The following PRSS55 variants were observed in gnomAD, a reference collection of about 807,000 sequenced individuals.
PRSS55 encodes serine protease 55, also known as probable serine protease UNQ9391/PRO34284.
In PRSS55, 41 loss-of-function variants were observed where a neutral mutation model predicts 23.6. The ratio of observed to expected loss-of-function variants is 1.74; its 90% CI spans 1.35 to 2.26. The LOEUF (loss-of-function observed/expected upper bound fraction) is 2.26. Ranked by LOEUF, PRSS55 falls within the 30% of genes most tolerant of loss-of-function variation. The pLI is 0.00. For missense variants in PRSS55, 669 were observed against 439.1 expected (o/e 1.52, Z -4.68); for synonymous variants, 262 against 175.5 (o/e 1.49, Z -3.90).
intron 1 of PRSS55, among the ~76,000 whole-genome samples, chr8:10,526,759 C>G (rs1812038870): frequency 6.6e-6 from 1 of 152,212 alleles, no homozygotes; most frequent in African/African-American, 2.4e-5. Context: ...GACTTTGGTG[C>G]AAGCACTTGT....
downstream of PRSS55, among the ~76,000 whole-genome samples, chr8:10,543,432 C>CTTTTCTTTTCTT (rs1563547235): frequency 1.1e-4 from 2 of 18,696 alleles, no homozygotes; most frequent in African/African-American, 1.6e-4. Context: ...TTCTTCCTTC[C>CTTTTCTTTTCTT]TTCCTTCCTT....
At chr8:10,551,820 G>A (rs1812958450) in intron 4 of PRSS55, among the ~76,000 whole-genome samples, 1 of 152,192 alleles carries the variant, frequency 6.6e-6, no homozygotes, top group South Asian at 2.1e-4. Flanking sequence ...TGTCCTCACT[G>A]CAAAGCACCT....
rs750420468 is a variant in PRSS55 at position 10,531,398 on chromosome 8, G to C, written c.451G>C (p.Ala151Pro). ...CATTCTTCACAAAGACTTTAAGAGA[G>C]CCAACATGGACAATGACATTGCCTT... ...SIILHKDFKRANMDNDIALLL... is the reference protein window; with the variant it reads ...SIILHKDFKRPNMDNDIALLL... The change falls in exon 3 of 5, where the codon GCC becomes CCC. Residue 151 changes from alanine to proline, a missense_variant. Ala to Pro is a conservative substitution (Grantham distance 27). Transcript: ENST00000328655. 7 of 1,614,232 alleles carry C rather than the reference G, an allele frequency of 4.3e-6. No individual in the cohort carries two copies. Among genetic ancestry groups the C allele is most frequent in the Non-Finnish European group, 5.9e-6 (7 of 1,180,054 alleles).
At chr8:10,553,075 G>C (rs996159064) in intron 4 of PRSS55, among the ~76,000 whole-genome samples, 6 of 152,144 alleles carry the variant, frequency 3.9e-5, no homozygotes, top group African/African-American at 1.2e-4. Context: ...CAACTGTAGA[G>C]GGTGGGACCT....
intron 4 of PRSS55, among the ~76,000 whole-genome samples, chr8:10,548,161 G>A (rs1812864415): frequency 1.3e-5 from 2 of 152,346 alleles, no homozygotes; most frequent in East Asian, 3.9e-4. Context: ...AGGGAGCTGG[G>A]GCGGGCTTTG....
chr8:10,530,375 T>C (rs1157021198), intron 2 of PRSS55, among the ~76,000 whole-genome samples: 2 of 152,204 alleles, frequency 1.3e-5, no homozygotes, highest in African/African-American at 4.8e-5. Flanking sequence ...TTCAGGAGGC[T>C]GAGACAGGAG....
At chr8:10,526,660 G>A (rs1268722236) in intron 1 of PRSS55, among the ~76,000 whole-genome samples, 2 of 152,212 alleles carry the variant, frequency 1.3e-5, no homozygotes, top group Admixed American at 1.3e-4. Flanking sequence ...CAGATGTTGT[G>A]GGTTGATCTC....
At chr8:10,528,952 G>C (rs117653797) in intron 1 of PRSS55, among the ~76,000 whole-genome samples, 5,285 of 152,210 alleles carry the variant, frequency 0.035, 133 homozygotes, top group Middle Eastern at 0.058. Context: ...CCCTCTGCCT[G>C]ACTTCCTGCT....
chr8:10,530,782 G>A (rs115875700), intron 2 of PRSS55, among the ~76,000 whole-genome samples: 162 of 152,304 alleles, frequency 1.1e-3, no homozygotes, highest in African/African-American at 3.8e-3. Context: ...ACCCGCTGTC[G>A]TGGGATATCA....
At chr8:10,540,314 G>C (rs112129707), downstream of PRSS55, 1 of 152,256 alleles carries the variant, frequency 6.6e-6, no homozygotes, top group Non-Finnish European at 1.5e-5. Context: ...GGCCACCACC[G>C]AAGATGCAAA....
chr8:10,542,869 G>C (rs1201650877), downstream of PRSS55, among the ~76,000 whole-genome samples: 26 of 36,966 alleles, frequency 7.0e-4, no homozygotes, highest in African/African-American at 1.7e-3. Flanking sequence ...GCAAAACTTT[G>C]TCTCAAAAAA....
chr8:10,537,735 T>A (rs950432995), intron 4 of PRSS55, among the ~76,000 whole-genome samples: 2 of 152,156 alleles, frequency 1.3e-5, no homozygotes, highest in Non-Finnish European at 2.9e-5. Context: ...TATGTACCCA[T>A]AATAATTAAT....
At chr8:10,542,180 T>C (rs1316423630), downstream of PRSS55, among the ~76,000 whole-genome samples, 2 of 152,190 alleles carry the variant, frequency 1.3e-5, no homozygotes, top group Admixed American at 1.3e-4. Context: ...TTATCATGTG[T>C]GTCCCAAGAG....
At chr8:10,543,344 T>A (rs541591582), downstream of PRSS55, among the ~76,000 whole-genome samples, 3 of 152,188 alleles carry the variant, frequency 2.0e-5, no homozygotes, top group Non-Finnish European at 4.4e-5. Flanking sequence ...CATCACATCC[T>A]GGTGACATTT....
rs186818082 is a variant in PRSS55, at chr8:10,532,873, T to C, written c.599-33T>C. On this transcript the variant is annotated intron_variant, in intron 3 of 4. Transcript: ENST00000328655. ...ACGAACGTGGGGACATGAGGCCCAG[T>C]GGCTTCTCTAATGCGCTTTCTCTCT... 3.7e-6 allele frequency: 6 copies of C among 1,613,540 alleles called. No individual in the cohort carries two copies. In the East Asian group the frequency reaches 1.3e-4, roughly 36 times the overall value.
chr8:10,548,086 C>G (rs916376389), intron 4 of PRSS55, among the ~76,000 whole-genome samples: 2 of 152,122 alleles, frequency 1.3e-5, no homozygotes, highest in Non-Finnish European at 2.9e-5. Context: ...AAGAGTGTCT[C>G]GGGGATCTCT....
At chr8:10,538,255 C>A (rs1812524143) in intron 4 of PRSS55, among the ~76,000 whole-genome samples, 2 of 152,206 alleles carry the variant, frequency 1.3e-5, no homozygotes, top group South Asian at 4.1e-4. Context: ...TCCCCATCTT[C>A]AGTCCTGTCT....
chr8:10,530,204 T>C (rs1038683695), intron 2 of PRSS55, among the ~76,000 whole-genome samples: 4 of 152,196 alleles, frequency 2.6e-5, no homozygotes, highest in Non-Finnish European at 4.4e-5. Context: ...GTGCGGTGGC[T>C]CACGCCTGTC....
chr8:10,550,044 C>A (rs995006028), intron 4 of PRSS55, among the ~76,000 whole-genome samples: 3 of 152,184 alleles, frequency 2.0e-5, no homozygotes, highest in African/African-American at 7.2e-5. Flanking sequence ...CTCAGCCTCC[C>A]AAGTAGCTGA....
Sources: gnomAD v4.1 joint callset for allele counts (sites outside exome capture counted in the v4.1 genomes callset) on GRCh38, gnomAD v4.1.1 for gene constraint, MANE v1.5 for transcripts, NCBI Gene and HGNC (gene_info 2026-07-23, HGNC 2026-07-21) for gene names.